ANKMY1: variants seen among roughly 807,000 people sequenced by gnomAD.
ANKMY1 encodes the protein ankyrin repeat and MYND domain containing 1, also known as ankyrin repeat and MYND domain-containing protein 1.
Under a neutral mutation model 102.0 loss-of-function variants are expected in ANKMY1, and 98 were observed. The ratio of observed to expected loss-of-function variants is 0.96; its 90% confidence interval spans 0.82 to 1.14. The LOEUF (loss-of-function observed/expected upper bound fraction) is 1.14, where lower values mean the gene tolerates loss of function less well. ANKMY1 is among the 50% of genes most tolerant of loss of function. The pLI is 0.00. For missense variants in ANKMY1, 1,330 were observed against 1,347.6 expected, an observed-to-expected ratio of 0.99 and a Z score of 0.20; for synonymous variants, 582 against 559.9, an observed-to-expected ratio of 1.04 and a Z score of -0.56.
chr2:240,469,591 G>C, the ANKMY1 span, among the ~76,000 whole-genome samples: 29 of 152,182 alleles, frequency 1.9e-4, no homozygotes, highest in African/African-American at 6.7e-4. Context: ...AGGCAGCCCC[G>C]GCAGGCCAGC....
At chr2:240,513,420 A>C (rs999341825) in intron 9 of ANKMY1, among the ~76,000 whole-genome samples, 4 of 152,240 alleles carry the variant, frequency 2.6e-5, no homozygotes, top group African/African-American at 7.2e-5. Context: ...AGAGGTGTTC[A>C]CAGGGGCCCT....
intron 5 of ANKMY1, chr2:240,527,807 GTTGCATGGGTGT>G (rs2084193932): frequency 2.0e-5 from 3 of 151,752 alleles, no homozygotes; most frequent in African/African-American, 4.8e-5. Context: ...AAGAATGGAT[GTTGCATGGGTGT>G]GCTGATGGAT....
intron 15 of ANKMY1, among the ~76,000 whole-genome samples, chr2:240,494,534 C>T (rs1574932823): frequency 6.6e-6 from 1 of 152,290 alleles, no homozygotes; most frequent in South Asian, 2.1e-4. Context: ...CCTGTCCCAG[C>T]AGTGACAGCT....
At chr2:240,533,981 G>A (rs557045975) in intron 4 of ANKMY1, among the ~76,000 whole-genome samples, 45 of 152,166 alleles carry the variant, frequency 3.0e-4, no homozygotes, top group Non-Finnish European at 5.1e-4. Flanking sequence ...TTCCAGAAAT[G>A]AACAATTCAT....
chr2:240,500,883 T>G (rs2078065889), intron 13 of ANKMY1, among the ~76,000 whole-genome samples: 1 of 152,238 alleles, frequency 6.6e-6, no homozygotes, highest in African/African-American at 2.4e-5. Context: ...ATTACAGTCC[T>G]GCTCCCCTCA....
the ANKMY1 span, among the ~76,000 whole-genome samples, chr2:240,473,917 T>G: frequency 6.6e-6 from 1 of 152,138 alleles, no homozygotes; most frequent in African/African-American, 2.4e-5. Context: ...TTACACTCAA[T>G]AGTGAAAAGC....
intron 4 of ANKMY1, among the ~76,000 whole-genome samples, chr2:240,548,202 G>A (rs2090817485): frequency 6.6e-6 from 1 of 152,136 alleles, no homozygotes; most frequent in African/African-American, 2.4e-5. Flanking sequence ...TGCAAGGGTG[G>A]TTCAATATAC....
intron 15 of ANKMY1, among the ~76,000 whole-genome samples, chr2:240,484,311 G>A (rs905272637): frequency 7.2e-5 from 11 of 152,114 alleles, no homozygotes; most frequent in African/African-American, 2.7e-4. Context: ...ATACTACAAG[G>A]CTACAGTAAC....
chr2:240,547,219 C>T (rs867614028), intron 4 of ANKMY1, among the ~76,000 whole-genome samples: 2 of 152,082 alleles, frequency 1.3e-5, no homozygotes, highest in South Asian at 2.1e-4. Context: ...CACTCAAAAC[C>T]GCTCAACTAC....
intron 13 of ANKMY1, among the ~76,000 whole-genome samples, chr2:240,502,797 A>C: frequency 6.8e-6 from 1 of 146,120 alleles, no homozygotes; most frequent in East Asian, 2.0e-4. Flanking sequence ...TCCGCCCCTC[A>C]CTCACCAACA....
chr2:240,555,821 G>A lies in ANKMY1; in HGVS notation c.147-766C>T, dbSNP rs1046003653. ...TCTCAGACCCCTACAGAAGGACAGG[G>A]CATCCCAGACCAACACAGGTGGATG... On this transcript the variant is annotated intron_variant, in intron 2 of 17. Transcript: ENST00000401804. Among the ~76,000 whole-genome samples the A allele has an allele frequency of 4.6e-5, 7 of 152,090 alleles. No homozygotes were observed. The East Asian group carries it at 1.4e-3, about 29-fold the overall frequency.
chr2:240,473,208 AT>A, the ANKMY1 span, among the ~76,000 whole-genome samples: 1 of 151,528 alleles, frequency 6.6e-6, no homozygotes, highest in Non-Finnish European at 1.5e-5. Context: ...AGATCTATAA[AT>A]TGCCTGACAA....
chr2:240,501,005 T>C (rs988427871), intron 13 of ANKMY1, among the ~76,000 whole-genome samples: 3 of 152,132 alleles, frequency 2.0e-5, no homozygotes, highest in African/African-American at 4.8e-5. Flanking sequence ...TATGCTTGTA[T>C]GTAGATGTGT....
chr2:240,560,935 C>T, upstream of ANKMY1: 3 of 1,537,426 alleles, frequency 2.0e-6, no homozygotes, highest in Non-Finnish European at 2.6e-6. Context: ...CACCTGGAGC[C>T]CACGTGCGCC....
At position 240,525,764 on chromosome 2, in the gene ANKMY1, A is replaced by G. The variant is rs547851940; in HGVS notation, c.1256T>C (p.Leu419Pro). The G allele has an allele frequency of 1.2e-6, 2 of 1,613,994 alleles. No homozygotes were observed. The highest frequency in any genetic ancestry group is 1.7e-6 in the Non-Finnish European group (2 of 1,180,024). The change falls in exon 7 of 18, where the codon CTC (leucine) becomes CCC (proline). Residue 419 changes from leucine to proline, a missense_variant. Physicochemically the swap from Leu to Pro is moderately conservative, Grantham distance 98 (BLOSUM62 -3). Transcript: ENST00000401804. ...GTAGTGGAGGAGGAAACACATGCTGAGTGCCGTGAGACCCTCATCTGAGCA... is the reference window on the plus strand; with the variant it reads ...GTAGTGGAGGAGGAAACACATGCTGGGTGCCGTGAGACCCTCATCTGAGCA... Reference protein sequence around the residue: ...NKCSDEGLTALSMCFLLHYPA... With the variant: ...NKCSDEGLTAPSMCFLLHYPA...
At chr2:240,486,785 A>G (rs962094302) in intron 15 of ANKMY1, among the ~76,000 whole-genome samples, 1 of 152,176 alleles carries the variant, frequency 6.6e-6, no homozygotes, top group Admixed American at 6.5e-5. Flanking sequence ...AAGTGCTGGT[A>G]TTACAGGCAT....
chr2:240,553,477 G>GT (rs1383086977), intron 3 of ANKMY1: 2 of 221,050 alleles, frequency 9.0e-6, no homozygotes, highest in Non-Finnish European at 1.8e-5. Flanking sequence ...GTAGGCCCCA[G>GT]TAGGCACAGG....
intron 4 of ANKMY1, among the ~76,000 whole-genome samples, chr2:240,538,052 G>A (rs1021800516): frequency 9.9e-5 from 15 of 152,242 alleles, no homozygotes; most frequent in African/African-American, 3.6e-4. Flanking sequence ...ATCGTTCATT[G>A]CTCAATTAAA....
At chr2:240,558,858 G>C (rs778297906), upstream of ANKMY1, among the ~76,000 whole-genome samples, 2 of 152,022 alleles carry the variant, frequency 1.3e-5, no homozygotes, top group African/African-American at 4.8e-5. Flanking sequence ...TTTACACCAC[G>C]ACCCAGTACA....
Sources: allele counts gnomAD v4.1 joint callset (sites outside exome capture counted in the v4.1 genomes callset), GRCh38; gene constraint gnomAD v4.1.1; transcripts MANE v1.5; gene names NCBI Gene and HGNC (gene_info 2026-07-23, HGNC 2026-07-21).